Variants in GNA13 observed in about 807,000 individuals in gnomAD.
GNA13 encodes the protein G protein subunit alpha 13, also known as guanine nucleotide-binding protein subunit alpha-13.
GNA13 carries 4 observed loss-of-function variants against 33.5 expected under a neutral mutation model. That is an observed-to-expected ratio of 0.12 (90% CI 0.06 to 0.27). The LOEUF is 0.27. Ranked by LOEUF, GNA13 falls within the 10% of genes least tolerant of loss-of-function variation. The pLI is 1.00. For missense variants in GNA13, 319 were observed against 487.2 expected (o/e 0.65, Z 3.25); for synonymous variants, 176 against 183.8 (o/e 0.96, Z 0.34).
intron 3 of GNA13, among the ~76,000 whole-genome samples, chr17:65,016,546 A>G (rs1165050727): frequency 6.6e-6 from 1 of 152,030 alleles, no homozygotes; most frequent in Non-Finnish European, 1.5e-5. Flanking sequence ...ATTTCTAGTA[A>G]AGACGGGGTT....
Position 65,013,512 on chromosome 17 carries a change from T to C in GNA13, c.*745A>G, listed in dbSNP as rs975803781. 3 of 215,272 alleles carry C rather than the reference T, an allele frequency of 1.4e-5. No homozygotes were observed. The highest frequency in any genetic ancestry group is 2.8e-5 in the Non-Finnish European group (3 of 106,466). 13.3% of individuals were successfully genotyped at this position (215,272 alleles called of 1,614,324 possible). A position where few individuals can be genotyped will look rare whatever the true frequency, so the allele number is the denominator to read the frequency against. On this transcript the variant is annotated 3_prime_UTR_variant, in exon 4 of 4. Coordinates refer to ENST00000439174, the MANE Select transcript of GNA13 (RefSeq NM_006572.6). ...CATTAAACTACATGATAATTAAATA[T>C]GAGAAAGGCAAATTCTATTTCACTC...
At chr17:65,038,478 T>C (rs1907341050) in intron 2 of GNA13, among the ~76,000 whole-genome samples, 1 of 152,060 alleles carries the variant, frequency 6.6e-6, no homozygotes, top group South Asian at 2.1e-4. Context: ...AGTGGCATAA[T>C]CACGGCTCAC....
At chr17:65,034,094 T>C (rs552435015) in intron 2 of GNA13, among the ~76,000 whole-genome samples, 1 of 149,004 alleles carries the variant, frequency 6.7e-6, no homozygotes, top group South Asian at 2.1e-4. Flanking sequence ...TATTTGAAAA[T>C]TTCTTTTTCA....
At chr17:65,018,564 C>T (rs930707933) in intron 2 of GNA13, among the ~76,000 whole-genome samples, 2 of 152,128 alleles carry the variant, frequency 1.3e-5, no homozygotes, top group Non-Finnish European at 2.9e-5. Flanking sequence ...CAGGATTACA[C>T]GCATGCTTTT....
chr17:65,053,030 A>AC (rs1598503260), intron 2 of GNA13: 1 of 158,612 alleles, frequency 6.3e-6, no homozygotes, highest in Admixed American at 6.3e-5. Flanking sequence ...CTCAAAACAA[A>AC]CCCCCCAAAA....
chr17:65,026,697 T>A (rs547628230), intron 2 of GNA13, among the ~76,000 whole-genome samples: 1 of 152,344 alleles, frequency 6.6e-6, no homozygotes, highest in East Asian at 1.9e-4. Flanking sequence ...AAAATGAGAT[T>A]ACAAGGAAAC....
In GNA13 at chr17:65,009,961, G is replaced by A. The variant is rs1437216943; in HGVS notation, c.*4296C>T. Among the ~76,000 whole-genome samples the A allele has an allele frequency of 6.6e-6, 1 of 152,164 alleles. No homozygotes were observed. The highest frequency in any genetic ancestry group is 6.5e-5 in the Admixed American group (1 of 15,278). On this transcript the variant is annotated 3_prime_UTR_variant, in exon 4 of 4. Coordinates refer to ENST00000439174, the MANE Select transcript of GNA13 (RefSeq NM_006572.6). ...TGACGTTCAGTGATATTCACTGACTGAAATTTTATGCACACTGAGTTCCAG... is the reference window on the plus strand; with the variant it reads ...TGACGTTCAGTGATATTCACTGACTAAAATTTTATGCACACTGAGTTCCAG...
chr17:65,021,188 G>C (rs1363017096), intron 2 of GNA13, among the ~76,000 whole-genome samples: 1 of 152,200 alleles, frequency 6.6e-6, no homozygotes, highest in African/African-American at 2.4e-5. Flanking sequence ...ATAGCAGCCA[G>C]TGTACCTGGG....
intron 2 of GNA13, among the ~76,000 whole-genome samples, chr17:65,048,306 A>G (rs570536715): frequency 7.3e-5 from 11 of 151,640 alleles, no homozygotes; most frequent in African/African-American, 2.7e-4. Flanking sequence ...TGTATCATCC[A>G]GCCAACCCCT....
intron 2 of GNA13, among the ~76,000 whole-genome samples, chr17:65,037,782 A>AAAAAAAAAAAAAAC (rs1907306652): frequency 6.7e-6 from 1 of 148,164 alleles, no homozygotes; most frequent in Non-Finnish European, 1.5e-5. Flanking sequence ...AAAATGGAAA[A>AAAAAAAAAAAAAAC]AAAAAAAAAA....
chr17:65,051,453 T>C (rs982546997), intron 2 of GNA13, among the ~76,000 whole-genome samples: 1 of 152,116 alleles, frequency 6.6e-6, no homozygotes, highest in African/African-American at 2.4e-5. Flanking sequence ...CTGTCTCTAC[T>C]AAAAATACAA....
chr17:65,046,951 C>CA (rs1907686545), intron 2 of GNA13, among the ~76,000 whole-genome samples: 1 of 151,878 alleles, frequency 6.6e-6, no homozygotes, highest in African/African-American at 2.4e-5. Flanking sequence ...AGTTTTCACC[C>CA]AAAAAAATGC....
At chr17:65,040,047 GA>G (rs1377246322) in intron 2 of GNA13, among the ~76,000 whole-genome samples, 3 of 151,442 alleles carry the variant, frequency 2.0e-5, no homozygotes, top group African/African-American at 7.3e-5. Flanking sequence ...ATTCTTACCA[GA>G]AAAAGTATTT....
At chr17:65,026,381 T>C (rs1466876610) in intron 2 of GNA13, among the ~76,000 whole-genome samples, 1 of 152,186 alleles carries the variant, frequency 6.6e-6, no homozygotes, top group Non-Finnish European at 1.5e-5. Context: ...TGATGATCTA[T>C]AGTTATATCA....
chr17:65,051,327 G>A (rs1201826948), intron 2 of GNA13, among the ~76,000 whole-genome samples: 2 of 152,102 alleles, frequency 1.3e-5, no homozygotes, highest in Non-Finnish European at 2.9e-5. Flanking sequence ...AAAAACAGGA[G>A]GTAGATGGCC....
intron 3 of GNA13, among the ~76,000 whole-genome samples, chr17:65,015,830 C>T (rs1006503446): frequency 2.0e-5 from 3 of 152,096 alleles, no homozygotes; most frequent in Non-Finnish European, 4.4e-5. Context: ...TTCATTGCTG[C>T]TATATTACAT....
At position 65,014,517 on chromosome 17, in the gene GNA13, T is replaced by G; in HGVS notation, c.874A>C (p.Lys292Gln). 1 of 1,614,084 alleles carries G rather than the reference T, an allele frequency of 6.2e-7. No homozygotes were observed. Among genetic ancestry groups the G allele is most frequent in the Non-Finnish European group, 8.5e-7 (1 of 1,179,920 alleles). ...SNVSIILFLNKTDLLEEKVQI... is the reference protein window; with the variant it reads ...SNVSIILFLNQTDLLEEKVQI... Reference sequence around the variant, plus strand: ...ACCTTCTCCTCAAGCAAGTCTGTCTTGTTTAAGAACAGAATTATGGAGACA... The same window carrying G: ...ACCTTCTCCTCAAGCAAGTCTGTCTGGTTTAAGAACAGAATTATGGAGACA... The change falls in exon 4 of 4, where the codon AAG becomes CAG. Residue 292 changes from lysine to glutamine, a missense_variant. Coordinates refer to ENST00000439174, the MANE Select transcript of GNA13 (RefSeq NM_006572.6). The surrounding 1 kb of genome is among the most constrained non-coding windows in gnomAD (Gnocchi z 5.3).
chr17:65,047,315 G>C (rs1389227584), intron 2 of GNA13, among the ~76,000 whole-genome samples: 2 of 152,084 alleles, frequency 1.3e-5, no homozygotes, highest in African/African-American at 4.8e-5. Context: ...TTGAGCCCAG[G>C]AGTCCCAAGG....
At chr17:65,024,977 G>A (rs1906719848) in intron 2 of GNA13, among the ~76,000 whole-genome samples, 1 of 152,104 alleles carries the variant, frequency 6.6e-6, no homozygotes, top group Non-Finnish European at 1.5e-5. Flanking sequence ...GCTCACTGTA[G>A]CCTTGACCAC....
Sources: gnomAD v4.1 joint callset for allele counts (sites outside exome capture counted in the v4.1 genomes callset) on GRCh38, gnomAD v4.1.1 for gene constraint, Gnocchi (gnomAD v3.1) non-coding constraint, MANE v1.5 for transcripts, NCBI Gene and HGNC (gene_info 2026-07-23, HGNC 2026-07-21) for gene names.